The following KSR2 variants were observed in gnomAD, a reference collection of about 807,000 sequenced individuals.
KSR2 encodes the protein kinase suppressor of ras 2.
KSR2 carries 25 observed loss-of-function variants against 107.8 expected under a neutral mutation model. That is an observed-to-expected ratio of 0.23 (90% CI 0.17 to 0.32). KSR2 has a LOEUF of 0.32. Among genes scored for constraint, KSR2 ranks in the 10% least tolerant of loss-of-function variants. The pLI is 1.00. For synonymous variants in KSR2, 480 were observed against 507.0 expected (o/e 0.95, Z 0.71); for missense variants, 887 against 1,268.9 (o/e 0.70, Z 4.57).
chr12:117,911,065 A>G (rs915884180), intron 1 of KSR2, among the ~76,000 whole-genome samples: 2 of 152,112 alleles, frequency 1.3e-5, no homozygotes, highest in African/African-American at 2.4e-5. Context: ...AACCCAATTC[A>G]AAGGTCATCT....
At chr12:117,812,842 C>CAAAAAAAAAAAAAAAAAAAAAAAAAAAAA (rs3073170) in intron 3 of KSR2, among the ~76,000 whole-genome samples, 4 of 95,594 alleles carry the variant, frequency 4.2e-5, no homozygotes, top group African/African-American at 2.3e-4. Context: ...CCCAAATAGC[C>CAAAAAAAAAAAAAAAAAAAAAAAAAAAAA]AAAAAAAAAA....
At chr12:117,636,348 T>TATATATATATGGATATATGTATATGGAG (rs1374018232) in intron 5 of KSR2, among the ~76,000 whole-genome samples, 1 of 150,372 alleles carries the variant, frequency 6.7e-6, no homozygotes, top group African/African-American at 2.4e-5. Context: ...TCCAAATATA[T>TATATATATATGGATATATGTATATGGAG]ATATATATAT....
At chr12:117,719,069 GA>G (rs575198292) in intron 4 of KSR2, among the ~76,000 whole-genome samples, 21 of 152,322 alleles carry the variant, frequency 1.4e-4, no homozygotes, top group African/African-American at 4.8e-4. Flanking sequence ...GGCCTGTGGA[GA>G]AACATCTGGA....
intron 1 of KSR2, among the ~76,000 whole-genome samples, chr12:117,881,960 G>A (rs1894040882): frequency 6.6e-6 from 1 of 152,210 alleles, no homozygotes; most frequent in Non-Finnish European, 1.5e-5. Context: ...ATTCAGGGCT[G>A]CTCCAAAGAG....
In KSR2 at chr12:117,698,172, G is replaced by A. The variant is rs576659000; in HGVS notation, c.987-30514C>T. Among the ~76,000 whole-genome samples, 10 of 152,282 alleles carry A rather than the reference G, an allele frequency of 6.6e-5. No homozygotes were observed. The East Asian group carries it at 1.9e-3, about 29-fold the overall frequency. On this transcript the variant is annotated intron_variant, in intron 4 of 19. Transcript: ENST00000339824. The stretch of plus-strand genomic sequence containing the variant: ...TTTCAGACTTCTGGCCCCCAGAACT[G>A]TGAGACAGTAAATTTCTGTTGTTTA...
At chr12:117,675,406 C>T (rs1427095158) in intron 4 of KSR2, among the ~76,000 whole-genome samples, 1 of 152,254 alleles carries the variant, frequency 6.6e-6, no homozygotes, top group Non-Finnish European at 1.5e-5. Flanking sequence ...TTAGCAGCAT[C>T]TTCCCAGTTA....
intron 1 of KSR2, among the ~76,000 whole-genome samples, chr12:117,937,830 C>A (rs1485907215): frequency 6.6e-6 from 1 of 151,176 alleles, no homozygotes; most frequent in Non-Finnish European, 1.5e-5. Flanking sequence ...ATTAGCCAGG[C>A]GTGGCAGTGC....
chr12:117,935,737 G>T (rs1895818454), intron 1 of KSR2, among the ~76,000 whole-genome samples: 1 of 152,134 alleles, frequency 6.6e-6, no homozygotes, highest in Non-Finnish European at 1.5e-5. Flanking sequence ...TCCAGCCTGG[G>T]CAACAGTGTG....
rs145157496 is a variant in KSR2, at chr12:117,712,854, T to C, written c.987-45196A>G. Among the ~76,000 whole-genome samples, 291 of 152,270 alleles carry C rather than the reference T, an allele frequency of 1.9e-3. 3 individuals are homozygous for C. The highest frequency in any genetic ancestry group is 6.7e-3 in the African/African-American group (277 of 41,560). On this transcript the variant is annotated intron_variant, in intron 4 of 19. Transcript: ENST00000339824. ...CTACCTAGGTAAATAGATATAGATA[T>C]ATCTAGATAGACAGATGATAGATCG...
At chr12:117,870,218 C>CAAGTCACTT (rs1428323656) in intron 1 of KSR2, among the ~76,000 whole-genome samples, 3 of 152,240 alleles carry the variant, frequency 2.0e-5, no homozygotes, top group African/African-American at 7.2e-5. Context: ...GAGGTTTGGG[C>CAAGTCACTT]AAGTCACTTC....
At position 117,704,219 on chromosome 12, in the gene KSR2, T is replaced by C. The variant is rs953100335; in HGVS notation, c.987-36561A>G. On this transcript the variant is annotated intron_variant, in intron 4 of 19. Transcript: ENST00000339824. ...CTTTCGTATCAACAGTCTTTAGTTA[T>C]GGAAACTCAACTTTCCAAATAGCTG... 5.9e-5 allele frequency among the ~76,000 whole-genome samples: 9 copies of C among 152,340 alleles called. No homozygotes were observed. The South Asian group carries it at 1.7e-3, about 28-fold the overall frequency.
intron 1 of KSR2, among the ~76,000 whole-genome samples, chr12:117,957,443 T>G (rs1316149060): frequency 6.6e-6 from 1 of 152,122 alleles, no homozygotes; most frequent in Non-Finnish European, 1.5e-5. Context: ...TTCTCCATCC[T>G]CCTTCCTGGC....
At chr12:117,914,426 CAA>C (rs34534591) in intron 1 of KSR2, among the ~76,000 whole-genome samples, 108 of 106,274 alleles carry the variant, frequency 1.0e-3, no homozygotes, top group South Asian at 7.8e-3. Context: ...GAGACTGTCT[CAA>C]AAAAAAAAAA....
chr12:117,576,579 C>T (rs903442431), intron 7 of KSR2, among the ~76,000 whole-genome samples: 1 of 152,120 alleles, frequency 6.6e-6, no homozygotes, highest in Non-Finnish European at 1.5e-5. Flanking sequence ...CTCATTGCAA[C>T]CTCAAGCTCC....
At chr12:117,517,584 T>C in intron 14 of KSR2, 2 of 315,426 alleles carry the variant, frequency 6.3e-6, no homozygotes, top group Non-Finnish European at 1.2e-5. Flanking sequence ...GCGTATGCAA[T>C]GTACATGAGA....
intron 3 of KSR2, among the ~76,000 whole-genome samples, chr12:117,806,951 A>G (rs1891032200): frequency 6.6e-6 from 1 of 152,192 alleles, no homozygotes; most frequent in Non-Finnish European, 1.5e-5. Context: ...CACTTCCCAG[A>G]GTGCCTGTCC....
At chr12:117,868,052 TGA>T (rs1242798592) in intron 1 of KSR2, among the ~76,000 whole-genome samples, 1 of 152,212 alleles carries the variant, frequency 6.6e-6, no homozygotes, top group South Asian at 2.1e-4. Context: ...GCATTATAAC[TGA>T]CTGACAAAGA....
intron 1 of KSR2, among the ~76,000 whole-genome samples, chr12:117,943,129 G>A (rs2393333): frequency 0.51 from 77,981 of 151,830 alleles, 20,194 homozygotes; most frequent in Middle Eastern, 0.57. Flanking sequence ...ACTCTGTAAC[G>A]AGGTGTCAAC....
intron 4 of KSR2, among the ~76,000 whole-genome samples, chr12:117,687,766 T>C (rs963417118): frequency 2.6e-5 from 4 of 152,122 alleles, no homozygotes; most frequent in African/African-American, 9.7e-5. Flanking sequence ...ATCAGACCAA[T>C]CTGAGTCTCT....
Sources: gnomAD v4.1 joint callset for allele counts (sites outside exome capture counted in the v4.1 genomes callset) on GRCh38, gnomAD v4.1.1 for gene constraint, MANE v1.5 for transcripts, NCBI Gene and HGNC (gene_info 2026-07-23, HGNC 2026-07-21) for gene names.